CDH13: variants seen among roughly 807,000 people sequenced by gnomAD.
The protein encoded by CDH13 is cadherin-13.
A neutral mutation model predicts 63.8 loss-of-function variants in CDH13; 24 were observed. That is an observed-to-expected ratio of 0.38 (90% CI 0.27 to 0.53). CDH13 has a LOEUF of 0.53. Among genes scored for constraint, CDH13 ranks in the 20% least tolerant of loss-of-function variants. The pLI is 0.85. For missense variants in CDH13, 1,049 were observed against 903.1 expected (o/e 1.16, Z -2.07); for synonymous variants, 503 against 355.3 (o/e 1.42, Z -4.67).
At chr16:83,488,753 T>G (rs2073948259) in intron 7 of CDH13, among the ~76,000 whole-genome samples, 1 of 152,054 alleles carries the variant, frequency 6.6e-6, no homozygotes, top group Non-Finnish European at 1.5e-5. Context: ...GCCTCCTGAG[T>G]AGCTGGGAAT....
chr16:83,745,764 A>C (rs1380512652), intron 10 of CDH13, among the ~76,000 whole-genome samples: 2 of 152,202 alleles, frequency 1.3e-5, no homozygotes, highest in Non-Finnish European at 2.9e-5. Flanking sequence ...CTCCTTGGCC[A>C]CACAGGAGGC....
At chr16:83,013,347 G>A (rs889264690) in intron 2 of CDH13, among the ~76,000 whole-genome samples, 7 of 152,176 alleles carry the variant, frequency 4.6e-5, no homozygotes, top group Non-Finnish European at 1.0e-4. Flanking sequence ...ACAACTTTGT[G>A]TCATCCTATA....
intron 6 of CDH13, among the ~76,000 whole-genome samples, chr16:83,485,503 G>T (rs960080827): frequency 6.6e-6 from 1 of 152,148 alleles, no homozygotes; most frequent in Non-Finnish European, 1.5e-5. Flanking sequence ...TATATTGGAA[G>T]TCCCTAAAAT....
intron 6 of CDH13, among the ~76,000 whole-genome samples, chr16:83,434,994 T>TAC (rs995455953): frequency 9.0e-6 from 1 of 111,020 alleles, no homozygotes; most frequent in Non-Finnish European, 1.9e-5. Flanking sequence ...AATATATATA[T>TAC]ATATGTATAT....
intron 4 of CDH13, among the ~76,000 whole-genome samples, chr16:83,201,713 T>C (rs368757477): frequency 0.016 from 2,361 of 149,654 alleles, 29 homozygotes; most frequent in South Asian, 0.029. Context: ...CCGGCTAACA[T>C]GGTGAAACCC....
chr16:82,799,986 T>C (rs967985141), intron 1 of CDH13, among the ~76,000 whole-genome samples: 11 of 152,192 alleles, frequency 7.2e-5, no homozygotes, highest in African/African-American at 1.4e-4. Flanking sequence ...AGAGGATCTA[T>C]TTTCTAAGCA....
At chr16:83,390,196 G>A (rs945380792) in intron 6 of CDH13, among the ~76,000 whole-genome samples, 6 of 152,104 alleles carry the variant, frequency 3.9e-5, no homozygotes, top group African/African-American at 1.2e-4. Flanking sequence ...CAATTTCATC[G>A]AAGCCCCTTC....
intron 1 of CDH13, among the ~76,000 whole-genome samples, chr16:82,693,002 C>G (rs1915786384): frequency 1.3e-5 from 2 of 152,164 alleles, no homozygotes. Context: ...GTTAGATTCT[C>G]TCTCTTGCTG....
At chr16:83,454,771 A>G (rs1034757104) in intron 6 of CDH13, among the ~76,000 whole-genome samples, 14 of 151,784 alleles carry the variant, frequency 9.2e-5, no homozygotes, top group African/African-American at 3.4e-4. Context: ...CAGTGGCATG[A>G]TCTCAGCTCA....
intron 2 of CDH13, among the ~76,000 whole-genome samples, chr16:82,911,671 A>T (rs1254610654): frequency 6.6e-6 from 1 of 152,172 alleles, no homozygotes; most frequent in Non-Finnish European, 1.5e-5. Flanking sequence ...AGACACCTTG[A>T]TGCAGACAGC....
At chr16:83,145,960 G>A (rs776854623) in intron 4 of CDH13, among the ~76,000 whole-genome samples, 11 of 152,114 alleles carry the variant, frequency 7.2e-5, no homozygotes, top group Non-Finnish European at 1.5e-4. Context: ...TTGGGAGGCC[G>A]AGGCGGGTGG....
chr16:82,656,391 G>C (rs920966205), intron 1 of CDH13, among the ~76,000 whole-genome samples: 1 of 151,998 alleles, frequency 6.6e-6, no homozygotes, highest in South Asian at 2.1e-4. Context: ...GCACCTGGTA[G>C]CATTTTTTAA....
intron 5 of CDH13, among the ~76,000 whole-genome samples, chr16:83,252,175 A>G (rs1377213744): frequency 6.8e-6 from 1 of 147,644 alleles, no homozygotes; most frequent in African/African-American, 2.5e-5. Context: ...TGTGCTAGGC[A>G]TGCCTGGAAG....
At chr16:82,844,553 A>G (rs1024080013) in intron 1 of CDH13, 1 of 149,624 alleles carries the variant, frequency 6.7e-6, no homozygotes, top group African/African-American at 2.5e-5. Context: ...GTGAGCCGAG[A>G]TCGCGCCACT....
intron 6 of CDH13, among the ~76,000 whole-genome samples, chr16:83,454,840 G>A (rs922849478): frequency 5.9e-5 from 9 of 151,998 alleles, no homozygotes; most frequent in African/African-American, 1.7e-4. Context: ...CTGAGTAGCT[G>A]GGATTACAGG....
chr16:83,227,352 C>T (rs1216363668), intron 5 of CDH13, among the ~76,000 whole-genome samples: 1 of 152,180 alleles, frequency 6.6e-6, no homozygotes, highest in East Asian at 1.9e-4. Flanking sequence ...GCAGTTGGCA[C>T]ATGGTATGGA....
intron 1 of CDH13, among the ~76,000 whole-genome samples, chr16:82,745,569 A>T (rs2034125286): frequency 6.6e-6 from 1 of 151,932 alleles, no homozygotes; most frequent in Admixed American, 6.6e-5. Flanking sequence ...ACGCCACTGA[A>T]CTCCAGCCTG....
chr16:82,685,485 G>C (rs766830857), intron 1 of CDH13, among the ~76,000 whole-genome samples: 24 of 152,186 alleles, frequency 1.6e-4, no homozygotes, highest in Non-Finnish European at 3.4e-4. Flanking sequence ...ATGGATGTTG[G>C]GGGGAATAAA....
intron 5 of CDH13, among the ~76,000 whole-genome samples, chr16:83,335,933 C>T (rs1452818721): frequency 1.3e-5 from 2 of 152,088 alleles, no homozygotes; most frequent in Non-Finnish European, 2.9e-5. Context: ...TAAACCCCTT[C>T]CTTCTTTAAC....
Sources: gnomAD v4.1 joint callset for allele counts (sites outside exome capture counted in the v4.1 genomes callset) on GRCh38, gnomAD v4.1.1 for gene constraint, MANE v1.5 for transcripts, NCBI Gene and HGNC (gene_info 2026-07-23, HGNC 2026-07-21) for gene names.